The following DAB1 variants were observed in gnomAD, a reference collection of about 807,000 sequenced individuals.
DAB1 encodes the protein DAB adaptor protein 1.
In DAB1, 15 loss-of-function variants were observed where a neutral mutation model predicts 64.6. The ratio of observed to expected loss-of-function variants is 0.23; its 90% CI spans 0.16 to 0.36. The LOEUF is 0.36. Ranked by LOEUF, DAB1 falls within the 10% of genes least tolerant of loss-of-function variation. DAB1 has a pLI of 1.00. For synonymous variants in DAB1, 235 were observed against 251.9 expected, an observed-to-expected ratio of 0.93 and a Z score of 0.64; for missense variants, 596 against 706.7, an observed-to-expected ratio of 0.84 and a Z score of 1.78.
intron 3 of DAB1, among the ~76,000 whole-genome samples, chr1:58,406,690 G>T (rs1319180238): frequency 7.2e-6 from 1 of 139,306 alleles, no homozygotes; most frequent in African/African-American, 2.8e-5. Flanking sequence ...AAGATAATTA[G>T]AAAAGAACGA....
chr1:58,088,765 C>T (rs1241556555), intron 5 of DAB1, among the ~76,000 whole-genome samples: 1 of 152,160 alleles, frequency 6.6e-6, no homozygotes, highest in Non-Finnish European at 1.5e-5. Context: ...AAATAAGACA[C>T]AATCTCATCC....
intron 12 of DAB1, 91 bp downstream of exon 12, chr1:57,014,792 G>T: frequency 2.9e-6 from 3 of 1,051,564 alleles, no homozygotes; most frequent in East Asian, 2.5e-5. Context: ...ATTAATGCAA[G>T]TGAGATGAGT....
chr1:58,458,835 A>G (rs1484724309), intron 3 of DAB1, among the ~76,000 whole-genome samples: 1 of 152,022 alleles, frequency 6.6e-6, no homozygotes, highest in Non-Finnish European at 1.5e-5. Flanking sequence ...ACAAACAAAA[A>G]AAAAAAACGG....
intron 4 of DAB1, 143 bp downstream of exon 4, chr1:57,136,396 TGATG>T: frequency 2.4e-6 from 1 of 421,476 alleles, no homozygotes; most frequent in East Asian, 3.5e-5. Context: ...AGACCTGCTT[TGATG>T]GATGATCAGA....
At chr1:58,394,934 A>G (rs951773386) in intron 3 of DAB1, among the ~76,000 whole-genome samples, 1 of 152,182 alleles carries the variant, frequency 6.6e-6, no homozygotes, top group African/African-American at 2.4e-5. Flanking sequence ...TAAAAAAAGC[A>G]ATGTGGGATG....
intron 1 of DAB1, chr1:57,867,029 T>C (rs1431473736): frequency 3.9e-5 from 6 of 152,160 alleles, no homozygotes; most frequent in Admixed American, 3.9e-4. Context: ...GGGGCACCAA[T>C]GCAGGAATCA....
chr1:57,287,246 A>G (rs1672389953), intron 2 of DAB1, among the ~76,000 whole-genome samples: 1 of 150,826 alleles, frequency 6.6e-6, no homozygotes, highest in African/African-American at 2.4e-5. Context: ...CATTCTTTGC[A>G]TTTTTTTTTG....
At chr1:57,932,296 A>C (rs565126911) in intron 5 of DAB1, among the ~76,000 whole-genome samples, 1 of 152,300 alleles carries the variant, frequency 6.6e-6, no homozygotes, top group African/African-American at 2.4e-5. Context: ...CTTGACAAGA[A>C]TATATATTCT....
chr1:58,322,894 G>A (rs4912325), intron 4 of DAB1, among the ~76,000 whole-genome samples: 49,282 of 151,938 alleles, frequency 0.32, 8,235 homozygotes, highest in South Asian at 0.45. Context: ...TATGTACCAC[G>A]GAATACTATG....
chr1:58,329,083 A>G (rs1662913315), intron 4 of DAB1, among the ~76,000 whole-genome samples: 2 of 152,236 alleles, frequency 1.3e-5, no homozygotes, highest in Non-Finnish European at 2.9e-5. Flanking sequence ...TTCTACATAC[A>G]TCTATTTTTA....
At chr1:58,471,145 A>C (rs1013024818) in intron 3 of DAB1, among the ~76,000 whole-genome samples, 2 of 152,224 alleles carry the variant, frequency 1.3e-5, no homozygotes, top group African/African-American at 2.4e-5. Context: ...GTTTTGAGGC[A>C]GACAGTGCCA....
intron 4 of DAB1, among the ~76,000 whole-genome samples, chr1:58,256,106 G>A (rs1014800263): frequency 7.9e-5 from 12 of 151,994 alleles, no homozygotes; most frequent in Non-Finnish European, 1.5e-4. Context: ...TTCTGAGAGG[G>A]AGAGAGGGGA....
chr1:58,031,593 T>A (rs918449226), intron 5 of DAB1, among the ~76,000 whole-genome samples: 1 of 152,162 alleles, frequency 6.6e-6, no homozygotes, highest in African/African-American at 2.4e-5. Flanking sequence ...GGACCAACTA[T>A]TACACAAATG....
chr1:57,063,995 G>T (rs1650663597), intron 8 of DAB1, among the ~76,000 whole-genome samples: 2 of 152,122 alleles, frequency 1.3e-5, no homozygotes, highest in South Asian at 2.1e-4. Flanking sequence ...CATCATATTG[G>T]GAGCTCCTCA....
chr1:58,536,523 T>G, intron 1 of DAB1: 1 of 872,252 alleles, frequency 1.1e-6, no homozygotes, highest in Non-Finnish European at 2.0e-6. Flanking sequence ...TGCTTCATAT[T>G]CCAGTTCCGA....
intron 14 of DAB1, among the ~76,000 whole-genome samples, chr1:57,005,229 TAAC>T (rs916394773): frequency 1.3e-5 from 2 of 152,212 alleles, no homozygotes; most frequent in Non-Finnish European, 2.9e-5. Flanking sequence ...CCGTCAATAA[TAAC>T]AACAATGATG....
At chr1:57,329,343 T>A (rs1357006244) in intron 1 of DAB1, among the ~76,000 whole-genome samples, 1 of 152,246 alleles carries the variant, frequency 6.6e-6, no homozygotes, top group East Asian at 1.9e-4. Flanking sequence ...TGACATGAGC[T>A]AAATGGACAC....
At chr1:57,403,470 C>G (rs1022926852) in intron 1 of DAB1, among the ~76,000 whole-genome samples, 3 of 152,218 alleles carry the variant, frequency 2.0e-5, no homozygotes, top group Admixed American at 6.5e-5. Context: ...AGAAAACTCT[C>G]TTGCAGACTG....
chr1:58,162,957 T>C (rs539742444), intron 4 of DAB1, among the ~76,000 whole-genome samples: 1 of 152,250 alleles, frequency 6.6e-6, no homozygotes, highest in Admixed American at 6.5e-5. Flanking sequence ...ACTGAGGGAT[T>C]GGTACTACAA....
Sources: gnomAD v4.1 joint callset for allele counts (sites outside exome capture counted in the v4.1 genomes callset) on GRCh38, gnomAD v4.1.1 for gene constraint, MANE v1.5 for transcripts, NCBI Gene and HGNC (gene_info 2026-07-23, HGNC 2026-07-21) for gene names.